TXNDC5: variants seen among roughly 807,000 people sequenced by gnomAD.
TXNDC5 encodes thioredoxin domain-containing protein 5.
In TXNDC5, 44 loss-of-function variants were observed where a neutral mutation model predicts 52.6. The observed-to-expected ratio is 0.84, with a 90% confidence interval of 0.66 to 1.08. The LOEUF is 1.08. Among genes scored for constraint, TXNDC5 ranks in the 50% least tolerant of loss-of-function variants. TXNDC5 has a pLI of 0.00. For missense variants in TXNDC5, 600 were observed against 565.5 expected (o/e 1.06, Z -0.62); for synonymous variants, 241 against 234.4 (o/e 1.03, Z -0.26).
At chr6:7,897,072 G>T (rs1381970084) in intron 3 of TXNDC5, among the ~76,000 whole-genome samples, 1 of 152,148 alleles carries the variant, frequency 6.6e-6, no homozygotes, top group Non-Finnish European at 1.5e-5. Flanking sequence ...CATTACTGAT[G>T]ATGGAAAAGG....
intron 7 of TXNDC5, among the ~76,000 whole-genome samples, chr6:7,886,390 G>A (rs1759983956): frequency 6.6e-6 from 1 of 152,138 alleles, no homozygotes; most frequent in African/African-American, 2.4e-5. Flanking sequence ...GTGTGGACCA[G>A]GCAGCCCTGG....
In TXNDC5 at chr6:7,885,826, T is replaced by C. The variant is rs1417416578; in HGVS notation, c.1046+135A>G. 1.4e-5 allele frequency: 10 copies of C among 711,824 alleles called. No individual in the cohort carries two copies. In the South Asian group the frequency reaches 2.2e-4, roughly 16 times the overall value. 44.1% of individuals were successfully genotyped at this position (711,824 alleles called of 1,614,324 possible). A position where few individuals can be genotyped will look rare whatever the true frequency, so the allele number is the denominator to read the frequency against. On this transcript the variant is annotated intron_variant, in intron 8 of 9. Coordinates refer to ENST00000379757, the MANE Select transcript of TXNDC5 (RefSeq NM_030810.5). The stretch of plus-strand genomic sequence containing the variant: ...ATAGGAGCATGATAACGGTTCCTTA[T>C]TTCCTACAACATGACCTACATATAA...
At chr6:7,907,868 C>G (rs1760787008) in intron 1 of TXNDC5, among the ~76,000 whole-genome samples, 1 of 152,208 alleles carries the variant, frequency 6.6e-6, no homozygotes, top group Admixed American at 6.5e-5. Flanking sequence ...TCCTGGCAGC[C>G]TATTCGTGAG....
At position 7,891,721 on chromosome 6, in the gene TXNDC5, T is replaced by TTTA. The variant is rs1760197488; in HGVS notation, c.631_632insTAA (p.Ile210dup). ...GTGACCACACCACGGAGCGAAGAAC[T>TTTA]TGATAAAGTGGTCGCCTGGAGTGGA... is the stretch of plus-strand genomic sequence containing the variant. On this transcript the variant is annotated inframe_insertion, in exon 5 of 10. Coordinates refer to ENST00000379757, the MANE Select transcript of TXNDC5 (RefSeq NM_030810.5). The TTTA allele has an allele frequency of 6.2e-7, 1 of 1,613,504 alleles. No homozygotes were observed. Among genetic ancestry groups the TTTA allele is most frequent in the African/African-American group, 1.3e-5 (1 of 74,888 alleles).
chr6:7,889,003 G>A lies in TXNDC5; in HGVS notation c.820-155C>T. 4 of 949,406 alleles carry A rather than the reference G, an allele frequency of 4.2e-6. No individual in the cohort carries two copies. The South Asian group carries it at 5.6e-5, about 13-fold the overall frequency. 58.8% of individuals were successfully genotyped at this position (949,406 alleles called of 1,614,324 possible). A position where few individuals can be genotyped will look rare whatever the true frequency, so the allele number is the denominator to read the frequency against. On this transcript the variant is annotated intron_variant, in intron 6 of 9. Coordinates refer to ENST00000379757, the MANE Select transcript of TXNDC5 (RefSeq NM_030810.5). ...GTTCATATTTAGACGGGAATGTAGAGAGGATAACTGAATGCCTCGGCTTTG... is the reference window on the plus strand; with the variant it reads ...GTTCATATTTAGACGGGAATGTAGAAAGGATAACTGAATGCCTCGGCTTTG...
At chr6:7,907,913 C>T (rs1313129596) in intron 1 of TXNDC5, among the ~76,000 whole-genome samples, 1 of 152,174 alleles carries the variant, frequency 6.6e-6, no homozygotes, top group African/African-American at 2.4e-5. Context: ...CTGAAAGGGC[C>T]CTCTTAAAAG....
In TXNDC5 at chr6:7,883,355, G is replaced by A. The variant is rs182148125; in HGVS notation, c.1177-89C>T. On this transcript the variant is annotated intron_variant, in intron 9 of 9. Transcript: ENST00000379757. ...AAATAAAACCAGATACACTCCTACC[G>A]TTGTGGCTGGAAAAATTCTGTGGCT... is the stretch of plus-strand genomic sequence containing the variant. 1,293 of 1,575,740 alleles carry A rather than the reference G, an allele frequency of 8.2e-4. 5 individuals carry two copies. Among genetic ancestry groups the A allele is most frequent in the Middle Eastern group, 6.7e-4 (4 of 5,936 alleles).
intron 4 of TXNDC5, among the ~76,000 whole-genome samples, chr6:7,893,547 C>T (rs1760268740): frequency 6.6e-6 from 1 of 152,166 alleles, no homozygotes; most frequent in African/African-American, 2.4e-5. Context: ...CTGCCGGAGT[C>T]GGTCTGTCCT....
rs146368083 is a variant in TXNDC5, at chr6:7,888,713, C to A, written c.955G>T (p.Ala319Ser). The A allele has an allele frequency of 3.9e-5, 63 of 1,610,742 alleles. No individual in the cohort carries two copies. The African/African-American group carries it at 5.3e-4, about 14-fold the overall frequency. Reference protein sequence around the residue: ...EAPVLAAEPEADKGTVLALTE... With the variant: ...EAPVLAAEPESDKGTVLALTE... ...CTCCAGCAGGCACCCACCTTGTCAG[C>A]CTCGGGCTCAGCTGCCAGCACCGGG... The change falls in exon 7 of 10, where the codon GCT (alanine) becomes TCT (serine). Residue 319 changes from alanine (A) to serine (S), a missense_variant. Transcript: ENST00000379757.
chr6:7,906,940 T>C (rs1476444494), intron 1 of TXNDC5, among the ~76,000 whole-genome samples: 1 of 152,158 alleles, frequency 6.6e-6, no homozygotes, highest in Non-Finnish European at 1.5e-5. Context: ...ACTAGTCCAT[T>C]TGGTGTTTAA....
At chr6:7,894,618 G>A in intron 4 of TXNDC5, 1 of 709,110 alleles carries the variant, frequency 1.4e-6, no homozygotes, top group Non-Finnish European at 1.7e-6. Context: ...ATGTGCTACA[G>A]CATTACTTCT....
intron 1 of TXNDC5, chr6:7,909,920 G>A (rs972801038): frequency 1.0e-6 from 1 of 986,118 alleles, no homozygotes; most frequent in Non-Finnish European, 1.2e-6. Flanking sequence ...TCTGGTGAGT[G>A]CACGTGGCCC....
At position 7,884,640 on chromosome 6, in the gene TXNDC5, C is replaced by T. The variant is rs1581305389; in HGVS notation, c.1047-152G>A. Reference sequence around the variant, plus strand: ...ATACCAAATTCTCCCACTGGGTGCACATTAACTCTTCCTCCTCCTATCCCA... The same window carrying T: ...ATACCAAATTCTCCCACTGGGTGCATATTAACTCTTCCTCCTCCTATCCCA... On this transcript the variant is annotated intron_variant, in intron 8 of 9. Coordinates refer to ENST00000379757, the MANE Select transcript of TXNDC5 (RefSeq NM_030810.5). The T allele has an allele frequency of 1.4e-5, 15 of 1,074,746 alleles. No individual in the cohort carries two copies. In the East Asian group the frequency reaches 3.3e-4, roughly 23 times the overall value. The allele number at this position is 1,074,746 out of a possible 1,614,324, so 66.6% of individuals were successfully genotyped here.
intron 3 of TXNDC5, among the ~76,000 whole-genome samples, chr6:7,896,431 G>C (rs938588172): frequency 2.0e-5 from 3 of 152,202 alleles, no homozygotes; most frequent in African/African-American, 7.2e-5. Flanking sequence ...AATGGAATCA[G>C]TGTTCTGCTG....
At chr6:7,886,133 T>C in intron 7 of TXNDC5, 90 bp from the exon 8 acceptor site, 1 of 1,191,742 alleles carries the variant, frequency 8.4e-7, no homozygotes, top group South Asian at 1.4e-5. Flanking sequence ...GAATCAGTAA[T>C]TTTTTAAAAA....
intron 1 of TXNDC5, among the ~76,000 whole-genome samples, chr6:7,906,557 A>AAC (rs1561816188): frequency 3.0e-4 from 40 of 133,522 alleles, no homozygotes; most frequent in African/African-American, 1.4e-3. Flanking sequence ...AAAAAAAAAA[A>AAC]GAAAAACAGA....
chr6:7,889,486 C>T lies in TXNDC5; in HGVS notation c.819+9G>A. 1 of 1,612,620 alleles carries T rather than the reference C, an allele frequency of 6.2e-7. No individual in the cohort carries two copies. Among genetic ancestry groups the T allele is most frequent in the South Asian group, 1.1e-5 (1 of 91,010 alleles). On this transcript the variant is annotated intron_variant, in intron 6 of 9. Transcript: ENST00000379757. ...GAAGAATTCTCAGTACTAAGAAGTG[C>T]AGACGTACCTTTTTCCCATCTCGGA... is the stretch of plus-strand genomic sequence containing the variant.
At chr6:7,908,939 G>A (rs1028806520) in intron 1 of TXNDC5, among the ~76,000 whole-genome samples, 2 of 152,188 alleles carry the variant, frequency 1.3e-5, no homozygotes, top group African/African-American at 2.4e-5. Context: ...TGAAATAGTT[G>A]CTGAGAATAC....
At chr6:7,893,724 G>C (rs964711761) in intron 4 of TXNDC5, among the ~76,000 whole-genome samples, 2 of 152,346 alleles carry the variant, frequency 1.3e-5, no homozygotes, top group East Asian at 3.9e-4. Context: ...AAGGCTGAAG[G>C]CCTCACGATA....
Sources: gnomAD v4.1 joint callset for allele counts (sites outside exome capture counted in the v4.1 genomes callset) on GRCh38, gnomAD v4.1.1 for gene constraint, MANE v1.5 for transcripts, NCBI Gene and HGNC (gene_info 2026-07-23, HGNC 2026-07-21) for gene names.